MTIF2: variants seen among roughly 807,000 people sequenced by gnomAD.
MTIF2 encodes the protein translation initiation factor IF-2, mitochondrial.
A neutral mutation model predicts 83.5 loss-of-function variants in MTIF2; 71 were observed. The ratio of observed to expected loss-of-function variants is 0.85; its 90% CI spans 0.70 to 1.04. The LOEUF (loss-of-function observed/expected upper bound fraction) is 1.04, where lower values mean the gene tolerates loss of function less well. Ranked by LOEUF, MTIF2 falls within the 50% of genes least tolerant of loss-of-function variation. MTIF2 has a pLI of 0.00. For missense variants in MTIF2, 957 were observed against 846.5 expected (o/e 1.13, Z -1.62); for synonymous variants, 319 against 287.1 (o/e 1.11, Z -1.12).
At chr2:55,251,465 T>C (rs1300854632) in intron 8 of MTIF2, among the ~76,000 whole-genome samples, 1 of 152,176 alleles carries the variant, frequency 6.6e-6, no homozygotes. Context: ...AGTCTTAGTT[T>C]TCATGCTGTA....
At position 55,257,533 on chromosome 2, in the gene MTIF2, AAAGAACAT is replaced by A. The variant is rs373787578; in HGVS notation, c.332-2716_332-2709del. Reference sequence around the variant, plus strand: ...CTCAGATAAGCAGAACATTAAACTAAAAGAACATCCTATTCACTGGTATGCTGGCAAAT... The same window carrying A: ...CTCAGATAAGCAGAACATTAAACTAACCTATTCACTGGTATGCTGGCAAAT... On this transcript the variant is annotated intron_variant, in intron 5 of 15. Coordinates refer to ENST00000263629, the MANE Select transcript of MTIF2 (RefSeq NM_002453.3). Among the ~76,000 whole-genome samples the A allele has an allele frequency of 2.7e-3, 417 of 152,276 alleles. 1 individual carries two copies. Among genetic ancestry groups the A allele is most frequent in the African/African-American group, 9.7e-3 (404 of 41,580 alleles).
rs769937208 is a variant in MTIF2 at position 55,263,879 on chromosome 2, A to G, written c.-7-14T>C. 4 of 1,579,372 alleles carry G rather than the reference A, an allele frequency of 2.5e-6. No homozygotes were observed. The East Asian group carries it at 8.9e-5, about 35-fold the overall frequency. Reference sequence around the variant, plus strand: ...TTCATGTTTCTCCTGGGGAAAAAAAAAAGGTTTTAAAATAATATTCAAATC... The same window carrying G: ...TTCATGTTTCTCCTGGGGAAAAAAAGAAGGTTTTAAAATAATATTCAAATC... On this transcript the variant is annotated splice_polypyrimidine_tract_variant and intron_variant, in intron 3 of 15. Coordinates refer to ENST00000263629, the MANE Select transcript of MTIF2 (RefSeq NM_002453.3).
Position 55,263,597 on chromosome 2 carries a change from G to A in MTIF2, c.219+43C>T, listed in dbSNP as rs754301099. The A allele has an allele frequency of 1.4e-5, 20 of 1,477,068 alleles. 1 individual carries two copies. In the South Asian group the frequency reaches 2.0e-4, roughly 15 times the overall value. 91.5% of individuals were successfully genotyped at this position (1,477,068 alleles called of 1,614,324 possible). On this transcript the variant is annotated intron_variant, in intron 4 of 15. Transcript: ENST00000263629. ...GGCACTCCAGCCGGGGTGACAGGGT[G>A]AGACTCCATCTCAAAAAAAAAAAAA...
At chr2:55,257,478 C>G (rs1489761794) in intron 5 of MTIF2, among the ~76,000 whole-genome samples, 4 of 151,934 alleles carry the variant, frequency 2.6e-5, no homozygotes, top group African/African-American at 4.8e-5. Context: ...GACTCCATCT[C>G]AAGAAAAAAA....
chr2:55,239,894 T>TTTTAAAAA, intron 14 of MTIF2, 117 bp downstream of exon 14: 1 of 877,146 alleles, frequency 1.1e-6, no homozygotes, highest in East Asian at 2.8e-5. Flanking sequence ...CATTTTTTTC[T>TTTTAAAAA]AGAACACAGG....
intron 10 of MTIF2, among the ~76,000 whole-genome samples, chr2:55,244,497 A>C (rs746835535): frequency 2.6e-5 from 4 of 152,210 alleles, no homozygotes; most frequent in Non-Finnish European, 5.9e-5. Flanking sequence ...GACCATTTTA[A>C]ACAAATTTAT....
chr2:55,266,503 G>A (rs1215334159), intron 3 of MTIF2: 1 of 143,944 alleles, frequency 6.9e-6, no homozygotes, highest in African/African-American at 2.5e-5. Context: ...TCCAGCCGGG[G>A]AGACAGAGCG....
intron 13 of MTIF2, among the ~76,000 whole-genome samples, chr2:55,242,527 A>G (rs2104311929): frequency 6.6e-6 from 1 of 152,360 alleles, no homozygotes; most frequent in East Asian, 1.9e-4. Flanking sequence ...CAATTACCAA[A>G]GATAGGCAGC....
chr2:55,255,191 T>C (rs1677414831), intron 5 of MTIF2, among the ~76,000 whole-genome samples: 1 of 151,442 alleles, frequency 6.6e-6, no homozygotes, highest in African/African-American at 2.4e-5. Flanking sequence ...TGTGTGTATA[T>C]ACAATCAATT....
Position 55,267,598 on chromosome 2 carries a change from A to G in MTIF2, c.-37T>C. On this transcript the variant is annotated 5_prime_UTR_variant, in exon 3 of 16. Coordinates refer to ENST00000263629, the MANE Select transcript of MTIF2 (RefSeq NM_002453.3). ...ACAGTCAGTGTTATCTGGACTCAGC[A>G]AGTCACTTGTTTCCTATGGGCCTCA... 6.0e-6 allele frequency: 1 copy of G among 166,886 alleles called. No homozygotes were observed. 10.3% of individuals were successfully genotyped at this position (166,886 alleles called of 1,614,324 possible). A position where few individuals can be genotyped will look rare whatever the true frequency, so the allele number is the denominator to read the frequency against.
rs528595770 is a variant in MTIF2 at position 55,263,128 on chromosome 2, T to C, written c.219+512A>G. Among the ~76,000 whole-genome samples the C allele has an allele frequency of 3.3e-5, 5 of 152,188 alleles. No homozygotes were observed. The South Asian group carries it at 1.0e-3, about 32-fold the overall frequency. On this transcript the variant is annotated intron_variant, in intron 4 of 15. Transcript: ENST00000263629. ...TGCCCACCTTGGCCTCCCAAAGTGCTGGGATTACAGGCGTGAGCCACCACA... is the reference window on the plus strand; with the variant it reads ...TGCCCACCTTGGCCTCCCAAAGTGCCGGGATTACAGGCGTGAGCCACCACA...
rs767030961 is a variant in MTIF2 at position 55,237,344 on chromosome 2, T to C, written c.1955A>G (p.Gln652Arg). Residue 652 changes from glutamine to arginine, a missense_variant, in exon 15 of 16, where the codon CAG becomes CGG. Gln to Arg is a conservative substitution (Grantham distance 43). Transcript: ENST00000263629. Reference sequence around the variant, plus strand: ...TTTAAATTTTTTTTGTTTTTCTAACTGTCCCTTTTGGACTCTGCAGCCAGC... The same window carrying C: ...TTTAAATTTTTTTTGTTTTTCTAACCGTCCCTTTTGGACTCTGCAGCCAGC... ...PVAGCRVQKG[Q>R]LEKQKKFKLT... is the part of the protein sequence containing the mutation. 6.2e-7 allele frequency: 1 copy of C among 1,613,152 alleles called. No individual in the cohort carries two copies. The highest frequency in any genetic ancestry group is 1.1e-5 in the South Asian group (1 of 91,010).
intron 2 of MTIF2, chr2:55,267,872 C>T (rs979822741): frequency 1.3e-5 from 2 of 152,204 alleles, no homozygotes; most frequent in African/African-American, 2.4e-5. Flanking sequence ...TGTGTGTAAT[C>T]GAGCAAGCAT....
intron 10 of MTIF2, among the ~76,000 whole-genome samples, chr2:55,245,787 C>T (rs767699487): frequency 1.3e-5 from 2 of 152,080 alleles, no homozygotes; most frequent in Admixed American, 6.5e-5. Flanking sequence ...TTATGCTAAG[C>T]GAAGAAGCAG....
chr2:55,237,162 A>G (rs904090013), intron 15 of MTIF2, 126 bp downstream of exon 15: 6 of 1,119,578 alleles, frequency 5.4e-6, no homozygotes, highest in East Asian at 2.4e-5. Flanking sequence ...AGGGGTTTCA[A>G]TAGCAATAAG....
At chr2:55,257,548 C>G (rs2104427752) in intron 5 of MTIF2, among the ~76,000 whole-genome samples, 1 of 152,230 alleles carries the variant, frequency 6.6e-6, no homozygotes, top group East Asian at 1.9e-4. Flanking sequence ...ACATCCTATT[C>G]ACTGGTATGC....
At chr2:55,240,921 T>G (rs1676255973) in intron 13 of MTIF2, among the ~76,000 whole-genome samples, 1 of 152,158 alleles carries the variant, frequency 6.6e-6, no homozygotes. Context: ...GGTATTCAGA[T>G]GGCCAAAAGA....
chr2:55,243,142 A>G, intron 12 of MTIF2, 62 bp from the exon 13 acceptor site: 1 of 1,472,932 alleles, frequency 6.8e-7, no homozygotes, highest in South Asian at 1.3e-5. Flanking sequence ...AGACATAAAA[A>G]TGACAATAAT....
intron 4 of MTIF2, among the ~76,000 whole-genome samples, chr2:55,262,717 A>G (rs1365766158): frequency 1.8e-5 from 1 of 55,482 alleles, no homozygotes; most frequent in Non-Finnish European, 5.4e-5. Flanking sequence ...TAATTTTTGT[A>G]TTTTTTTTTT....
Sources: allele counts gnomAD v4.1 joint callset (sites outside exome capture counted in the v4.1 genomes callset), GRCh38; gene constraint gnomAD v4.1.1; transcripts MANE v1.5; gene names NCBI Gene and HGNC (gene_info 2026-07-23, HGNC 2026-07-21).